MAF: variants seen among roughly 807,000 people sequenced by gnomAD.
MAF encodes the protein transcription factor Maf.
MAF carries 10 observed loss-of-function variants against 22.0 expected under a neutral mutation model. That is an observed-to-expected ratio of 0.45 (90% confidence interval 0.28 to 0.77). MAF has a LOEUF of 0.77. Among genes scored for constraint, MAF ranks in the 30% least tolerant of loss-of-function variants. The pLI is 0.12. For synonymous variants in MAF, 337 were observed against 255.8 expected (o/e 1.32, Z -3.03); for missense variants, 544 against 548.4 (o/e 0.99, Z 0.08).
At chr16:79,472,734 A>G in the MAF span, among the ~76,000 whole-genome samples, 1 of 152,176 alleles carries the variant, frequency 6.6e-6, no homozygotes, top group Admixed American at 6.5e-5. Context: ...ACAAAAGCCC[A>G]TTAAATGTCA....
chr16:79,217,927 G>C, the MAF span, among the ~76,000 whole-genome samples: 2 of 127,370 alleles, frequency 1.6e-5, no homozygotes, highest in African/African-American at 6.0e-5. Flanking sequence ...AGAAAGACTT[G>C]GCTTGCAATA....
chr16:79,385,098 A>C, the MAF span, among the ~76,000 whole-genome samples: 4 of 152,348 alleles, frequency 2.6e-5, no homozygotes, highest in South Asian at 8.3e-4. Flanking sequence ...TGCTAGACAT[A>C]GGTGGATTTT....
the MAF span, among the ~76,000 whole-genome samples, chr16:79,358,995 G>A: frequency 6.6e-6 from 1 of 152,132 alleles, no homozygotes; most frequent in South Asian, 2.1e-4. Context: ...GAACAGAAAG[G>A]CTCTCCACAA....
chr16:79,303,553 T>C, the MAF span, among the ~76,000 whole-genome samples: 1 of 152,192 alleles, frequency 6.6e-6, no homozygotes, highest in Non-Finnish European at 1.5e-5. Flanking sequence ...TTCTGGTACC[T>C]GGAGAAATAT....
At chr16:79,301,825 T>A in the MAF span, among the ~76,000 whole-genome samples, 1 of 152,208 alleles carries the variant, frequency 6.6e-6, no homozygotes, top group East Asian at 1.9e-4. Context: ...TGTTATTTAA[T>A]CCCCATAATG....
chr16:79,259,129 C>T, the MAF span, among the ~76,000 whole-genome samples: 269 of 152,284 alleles, frequency 1.8e-3, no homozygotes, highest in African/African-American at 6.3e-3. Context: ...GATGGCTTTC[C>T]ATAGAATTAG....
At chr16:79,406,018 C>T in the MAF span, among the ~76,000 whole-genome samples, 8 of 152,192 alleles carry the variant, frequency 5.3e-5, no homozygotes, top group East Asian at 5.8e-4. Context: ...CAGAGTAGCC[C>T]TCAGCCAATG....
chr16:79,261,965 C>T, the MAF span, among the ~76,000 whole-genome samples: 1 of 152,282 alleles, frequency 6.6e-6, no homozygotes, highest in Non-Finnish European at 1.5e-5. Flanking sequence ...GGACTTTTCA[C>T]GAGTTATTCC....
chr16:79,432,781 G>A, the MAF span, among the ~76,000 whole-genome samples: 1 of 152,054 alleles, frequency 6.6e-6, no homozygotes, highest in Admixed American at 6.6e-5. Flanking sequence ...TGTGAAGGTG[G>A]AGATCAGGCG....
chr16:79,551,008 C>G, the MAF span, among the ~76,000 whole-genome samples: 2 of 152,248 alleles, frequency 1.3e-5, no homozygotes, highest in South Asian at 4.1e-4. Context: ...AGCAGAGATC[C>G]CCCGCATGGG....
chr16:79,477,541 C>G, the MAF span, among the ~76,000 whole-genome samples: 2 of 152,178 alleles, frequency 1.3e-5, no homozygotes, highest in African/African-American at 4.8e-5. Flanking sequence ...GTTTGTACCA[C>G]ATGACAAGCA....
chr16:79,276,199 AC>A, the MAF span, among the ~76,000 whole-genome samples: 1 of 151,984 alleles, frequency 6.6e-6, no homozygotes, highest in East Asian at 1.9e-4. Flanking sequence ...CACAGACTCC[AC>A]CCTGGAGTTT....
the MAF span, chr16:79,211,992 T>C: frequency 2.0e-6 from 3 of 1,535,000 alleles, no homozygotes; most frequent in Non-Finnish European, 2.6e-6. Flanking sequence ...GTATCACTTT[T>C]CTGGGGCTGG....
the MAF span, among the ~76,000 whole-genome samples, chr16:79,332,026 G>T: frequency 6.6e-6 from 1 of 152,206 alleles, no homozygotes; most frequent in Non-Finnish European, 1.5e-5. Flanking sequence ...TAGAACATCT[G>T]CTCTAGGAGG....
the MAF span, among the ~76,000 whole-genome samples, chr16:79,272,752 C>A: frequency 3.3e-5 from 5 of 152,160 alleles, 1 homozygote; most frequent in Non-Finnish European, 7.3e-5. Flanking sequence ...CATCTCAACA[C>A]AACTTCTCCT....
chr16:79,511,024 G>T, the MAF span, among the ~76,000 whole-genome samples: 1 of 152,206 alleles, frequency 6.6e-6, no homozygotes, highest in Non-Finnish European at 1.5e-5. Context: ...AGAAGATATA[G>T]TCAACCCCAC....
At chr16:79,243,220 T>C in the MAF span, among the ~76,000 whole-genome samples, 1 of 151,862 alleles carries the variant, frequency 6.6e-6, no homozygotes, top group Non-Finnish European at 1.5e-5. Context: ...GTGAAGGTGA[T>C]AGAGACACAA....
the MAF span, among the ~76,000 whole-genome samples, chr16:79,328,651 G>C: frequency 5.8e-4 from 89 of 152,306 alleles, 1 homozygote; most frequent in South Asian, 0.018. Context: ...AGTTGTCACT[G>C]TGTGATTTGG....
the MAF span, among the ~76,000 whole-genome samples, chr16:79,305,755 C>G: frequency 6.6e-6 from 1 of 152,160 alleles, no homozygotes; most frequent in Non-Finnish European, 1.5e-5. Context: ...GAGGAATTTA[C>G]TGAAAGGTCA....
Sources: gnomAD v4.1 joint callset for allele counts (sites outside exome capture counted in the v4.1 genomes callset) on GRCh38, gnomAD v4.1.1 for gene constraint, MANE v1.5 for transcripts, NCBI Gene and HGNC (gene_info 2026-07-23, HGNC 2026-07-21) for gene names.